Variants in AKAP13 observed in about 807,000 individuals in gnomAD.
AKAP13 encodes A-kinase anchoring protein 13.
AKAP13 carries 80 observed loss-of-function variants against 264.5 expected under a neutral mutation model. That is an observed-to-expected ratio of 0.30 (90% CI 0.25 to 0.36). The LOEUF (loss-of-function observed/expected upper bound fraction) is 0.36. AKAP13 is among the 10% of genes least tolerant of loss of function. The pLI is 1.00. For synonymous variants in AKAP13, 1,380 were observed against 1,250.2 expected, an observed-to-expected ratio of 1.10 and a Z score of -2.19; for missense variants, 3,712 against 3,435.2, an observed-to-expected ratio of 1.08 and a Z score of -2.01.
chr15:85,428,909 T>C (rs926622454), intron 1 of AKAP13, among the ~76,000 whole-genome samples: 1 of 152,252 alleles, frequency 6.6e-6, no homozygotes, highest in African/African-American at 2.4e-5. Context: ...TAATCTTTAT[T>C]GAACACTTAA....
chr15:85,688,745 C>T (rs887540569), intron 16 of AKAP13, among the ~76,000 whole-genome samples: 3 of 152,076 alleles, frequency 2.0e-5, no homozygotes, highest in African/African-American at 4.8e-5. Flanking sequence ...AGTCCTTGAT[C>T]CTATGTCCTT....
intron 7 of AKAP13, among the ~76,000 whole-genome samples, chr15:85,582,411 A>G (rs2079163791): frequency 6.6e-6 from 1 of 152,182 alleles, no homozygotes; most frequent in Non-Finnish European, 1.5e-5. Context: ...AGGTACTCTA[A>G]AGTGGTGAAA....
At chr15:85,628,483 A>G (rs1053438808) in intron 8 of AKAP13, among the ~76,000 whole-genome samples, 3 of 152,188 alleles carry the variant, frequency 2.0e-5, no homozygotes, top group African/African-American at 4.8e-5. Context: ...TTACTTTTAA[A>G]TGTTTACGAA....
chr15:85,730,746 C>A, intron 30 of AKAP13, 39 bp downstream of exon 30: 1 of 1,569,246 alleles, frequency 6.4e-7, no homozygotes, highest in Non-Finnish European at 8.7e-7. Flanking sequence ...TCATCTACTC[C>A]CAGAGTGGTT....
chr15:85,529,224 A>G (rs1158393258), intron 3 of AKAP13, among the ~76,000 whole-genome samples: 2 of 152,270 alleles, frequency 1.3e-5, no homozygotes, highest in African/African-American at 4.8e-5. Flanking sequence ...GGTCGAGACC[A>G]TCCTGGCTAA....
chr15:85,495,207 T>TAAGG (rs1390777822), intron 2 of AKAP13, among the ~76,000 whole-genome samples: 1 of 152,178 alleles, frequency 6.6e-6, no homozygotes, highest in African/African-American at 2.4e-5. Context: ...CCTGGAACAG[T>TAAGG]AAGGCTTTCT....
intron 8 of AKAP13, among the ~76,000 whole-genome samples, chr15:85,637,017 G>A (rs1567168189): frequency 6.6e-6 from 1 of 152,166 alleles, no homozygotes; most frequent in Non-Finnish European, 1.5e-5. Flanking sequence ...TCCTGGGATG[G>A]ACCCATTTGC....
chr15:85,544,566 C>G (rs1054327483), intron 5 of AKAP13, among the ~76,000 whole-genome samples: 1 of 152,140 alleles, frequency 6.6e-6, no homozygotes, highest in African/African-American at 2.4e-5. Context: ...ATTATATGTC[C>G]TGACTCTTTA....
chr15:85,400,175 G>A (rs1174165285), intron 1 of AKAP13, among the ~76,000 whole-genome samples: 2 of 152,150 alleles, frequency 1.3e-5, no homozygotes, highest in African/African-American at 4.8e-5. Flanking sequence ...TGAGGTGGGA[G>A]GATAGCTTGA....
intron 14 of AKAP13, among the ~76,000 whole-genome samples, chr15:85,674,885 A>G (rs2084138120): frequency 6.6e-6 from 1 of 152,050 alleles, no homozygotes; most frequent in Admixed American, 6.6e-5. Context: ...TATTCTTAGC[A>G]CAGTTCTGTT....
chr15:85,482,264 C>T (rs1282602394), intron 1 of AKAP13, among the ~76,000 whole-genome samples: 2 of 152,172 alleles, frequency 1.3e-5, no homozygotes, highest in Non-Finnish European at 2.9e-5. Flanking sequence ...GGGAGGCCTT[C>T]CCTCAGCACC....
intron 1 of AKAP13, among the ~76,000 whole-genome samples, chr15:85,390,064 C>T (rs936927429): frequency 2.0e-5 from 3 of 152,192 alleles, no homozygotes; most frequent in Non-Finnish European, 2.9e-5. Flanking sequence ...CTAATCTTCT[C>T]TTTTCTCTTG....
At chr15:85,714,894 G>A (rs1249693548) in intron 19 of AKAP13, among the ~76,000 whole-genome samples, 1 of 152,134 alleles carries the variant, frequency 6.6e-6, no homozygotes, top group African/African-American at 2.4e-5. Context: ...ATGAACCCAG[G>A]AGGCGGAGCT....
At chr15:85,623,840 T>A (rs185445312) in intron 8 of AKAP13, among the ~76,000 whole-genome samples, 3 of 152,382 alleles carry the variant, frequency 2.0e-5, no homozygotes, top group African/African-American at 7.2e-5. Context: ...CAGTATGTGG[T>A]TGGTAACTAT....
intron 14 of AKAP13, among the ~76,000 whole-genome samples, chr15:85,676,646 AAG>A (rs1307389472): frequency 1.3e-5 from 2 of 152,074 alleles, no homozygotes; most frequent in Non-Finnish European, 2.9e-5. Flanking sequence ...GGTGAGGGAG[AAG>A]AGAGCCAGAT....
At chr15:85,430,093 T>C (rs1328393401) in intron 1 of AKAP13, among the ~76,000 whole-genome samples, 1 of 152,204 alleles carries the variant, frequency 6.6e-6, no homozygotes, top group Non-Finnish European at 1.5e-5. Context: ...TGCATATCTT[T>C]TGGACTAAAC....
At chr15:85,638,693 T>C (rs1363218770) in intron 8 of AKAP13, among the ~76,000 whole-genome samples, 3 of 152,126 alleles carry the variant, frequency 2.0e-5, no homozygotes, top group Admixed American at 2.0e-4. Context: ...GTATTTGCTT[T>C]TTAGAATAAC....
At chr15:85,552,988 A>G (rs193020773) in intron 5 of AKAP13, among the ~76,000 whole-genome samples, 66 of 152,174 alleles carry the variant, frequency 4.3e-4, no homozygotes, top group African/African-American at 1.5e-3. Context: ...GAATATCTAC[A>G]ATTTAAAAAA....
intron 13 of AKAP13, among the ~76,000 whole-genome samples, chr15:85,668,053 G>A (rs1487196993): frequency 6.6e-6 from 1 of 152,184 alleles, no homozygotes; most frequent in Non-Finnish European, 1.5e-5. Context: ...GAACCTCAGA[G>A]TAGGCATTTG....
Sources: allele counts gnomAD v4.1 joint callset (sites outside exome capture counted in the v4.1 genomes callset), GRCh38; gene constraint gnomAD v4.1.1; transcripts MANE v1.5; gene names NCBI Gene and HGNC (gene_info 2026-07-23, HGNC 2026-07-21).